EML5: variants seen among roughly 807,000 people sequenced by gnomAD.
EML5 encodes echinoderm microtubule-associated protein-like 5.
In EML5, 120 loss-of-function variants were observed where a neutral mutation model predicts 250.0. The ratio of observed to expected loss-of-function variants is 0.48; its 90% CI spans 0.41 to 0.56. The LOEUF (loss-of-function observed/expected upper bound fraction) is 0.56, where lower values mean the gene tolerates loss of function less well. EML5 is among the 20% of genes least tolerant of loss of function. EML5 has a pLI of 0.00. For missense variants in EML5, 2,006 were observed against 2,437.6 expected (o/e 0.82, Z 3.73); for synonymous variants, 771 against 806.5 (o/e 0.96, Z 0.75).
chr14:88,745,167 T>TTGTTTGTGTGTGTGTGTGTG (rs148282706), intron 3 of EML5, among the ~76,000 whole-genome samples: 26 of 145,282 alleles, frequency 1.8e-4, no homozygotes, highest in Non-Finnish European at 2.3e-4. Flanking sequence ...AATTGTGTGT[T>TTGTTTGTGTGTGTGTGTGTG]TGTGTGTGTG....
chr14:88,735,256 G>A (rs1282163664), intron 7 of EML5, among the ~76,000 whole-genome samples: 2 of 152,064 alleles, frequency 1.3e-5, no homozygotes, highest in East Asian at 3.8e-4. Context: ...CACATTCTTA[G>A]GTAATGCTGA....
Position 88,641,216 on chromosome 14 carries a change from T to C in EML5, c.4237+1677A>G, listed in dbSNP as rs149120955. ...GCTGGTGCCAATCCTACTGAAACTA[T>C]TCTAAAAAATAGAGGAGTGGGCACT... On this transcript the variant is annotated intron_variant, in intron 31 of 43. Transcript: ENST00000554922. 2.9e-3 allele frequency among the ~76,000 whole-genome samples: 446 copies of C among 152,186 alleles called. 3 individuals carry two copies. Among genetic ancestry groups the C allele is most frequent in the African/African-American group, 0.01 (432 of 41,532 alleles).
chr14:88,653,699 A>G (rs2091743675), intron 27 of EML5, among the ~76,000 whole-genome samples: 1 of 152,206 alleles, frequency 6.6e-6, no homozygotes, highest in Non-Finnish European at 1.5e-5. Flanking sequence ...TTAGTTTGCC[A>G]GTATTTTACT....
Position 88,788,829 on chromosome 14 carries a change from G to A in EML5, c.197+3478C>T, listed in dbSNP as rs146305209. Among the ~76,000 whole-genome samples the A allele has an allele frequency of 1.1e-4, 17 of 151,900 alleles. No individual in the cohort carries two copies. In the East Asian group the frequency reaches 2.5e-3, roughly 22 times the overall value. ...TCCCAACACTTTGGGAGGCGGAAGT[G>A]GGAGGATCACTTGAGCCCAGGAGTC... is the stretch of plus-strand genomic sequence containing the variant. On this transcript the variant is annotated intron_variant, in intron 1 of 43. Transcript: ENST00000554922.
intron 1 of EML5, among the ~76,000 whole-genome samples, chr14:88,762,781 T>C (rs1237212146): frequency 6.6e-6 from 1 of 152,080 alleles, no homozygotes; most frequent in Non-Finnish European, 1.5e-5. Context: ...CCTCAGCAAA[T>C]GTAAAAGAAT....
intron 36 of EML5, chr14:88,623,479 G>A (rs1354306791): frequency 6.6e-6 from 1 of 152,102 alleles, no homozygotes. Context: ...GGAGTGCAGT[G>A]GTGTGATCTC....
intron 9 of EML5, among the ~76,000 whole-genome samples, chr14:88,712,863 A>C (rs1046778317): frequency 6.6e-6 from 1 of 152,190 alleles, no homozygotes; most frequent in African/African-American, 2.4e-5. Flanking sequence ...AAAGAAGCCT[A>C]AGATACATAG....
intron 17 of EML5, among the ~76,000 whole-genome samples, chr14:88,693,254 AT>A (rs1220677125): frequency 6.6e-6 from 1 of 152,226 alleles, no homozygotes; most frequent in East Asian, 1.9e-4. Context: ...CACACTGTTC[AT>A]AAAGACATAC....
At chr14:88,780,595 GGAGT>G (rs1463558059) in intron 1 of EML5, among the ~76,000 whole-genome samples, 1 of 151,484 alleles carries the variant, frequency 6.6e-6, no homozygotes, top group Non-Finnish European at 1.5e-5. Flanking sequence ...CTTTTAAGAT[GGAGT>G]CTCACTCACT....
chr14:88,681,212 A>G (rs2092706566), intron 21 of EML5, among the ~76,000 whole-genome samples: 1 of 152,226 alleles, frequency 6.6e-6, no homozygotes, highest in Non-Finnish European at 1.5e-5. Context: ...ACTAGAATAA[A>G]GATCTGAAAA....
At chr14:88,737,113 G>A (rs1242983044) in intron 6 of EML5, among the ~76,000 whole-genome samples, 5 of 152,002 alleles carry the variant, frequency 3.3e-5, no homozygotes, top group Admixed American at 6.6e-5. Flanking sequence ...CTTGGATGTG[G>A]GACAAGAACT....
At chr14:88,665,532 A>G (rs761624619) in intron 21 of EML5, 43 bp from the exon 22 acceptor site, 7 of 1,611,750 alleles carry the variant, frequency 4.3e-6, no homozygotes, top group Admixed American at 1.7e-5. Flanking sequence ...CCTTTTTTCT[A>G]ATTTAAAGTA....
intron 17 of EML5, among the ~76,000 whole-genome samples, chr14:88,691,701 A>C (rs1256003835): frequency 6.6e-6 from 1 of 152,200 alleles, no homozygotes; most frequent in Non-Finnish European, 1.5e-5. Flanking sequence ...CATCTCCTTC[A>C]ACCTAGTTTA....
chr14:88,655,673 A>G (rs968865718), intron 27 of EML5, among the ~76,000 whole-genome samples: 1 of 152,224 alleles, frequency 6.6e-6, no homozygotes, highest in African/African-American at 2.4e-5. Flanking sequence ...AGAAACCATC[A>G]TCAGAGTGAA....
chr14:88,702,904 G>A (rs1031316266), intron 13 of EML5, among the ~76,000 whole-genome samples: 2 of 152,024 alleles, frequency 1.3e-5, no homozygotes, highest in Non-Finnish European at 2.9e-5. Context: ...ACTGCTGTGC[G>A]CCACCATGCC....
chr14:88,692,933 AT>A (rs2092993000), intron 17 of EML5, among the ~76,000 whole-genome samples: 1 of 152,042 alleles, frequency 6.6e-6, no homozygotes, highest in Admixed American at 6.6e-5. Context: ...TTCTTCCTAT[AT>A]TTACATATTT....
intron 17 of EML5, among the ~76,000 whole-genome samples, chr14:88,691,513 T>C (rs956423673): frequency 3.3e-5 from 5 of 152,214 alleles, no homozygotes; most frequent in African/African-American, 1.2e-4. Context: ...TGAGGTCATA[T>C]AATCAGCTCA....
intron 17 of EML5, among the ~76,000 whole-genome samples, chr14:88,688,676 A>T (rs1192869192): frequency 6.6e-6 from 1 of 152,234 alleles, no homozygotes; most frequent in Non-Finnish European, 1.5e-5. Context: ...TTTTTAGATA[A>T]ACAAAGACCT....
intron 1 of EML5, among the ~76,000 whole-genome samples, chr14:88,785,193 T>C (rs1049229457): frequency 6.6e-6 from 1 of 152,018 alleles, no homozygotes; most frequent in Non-Finnish European, 1.5e-5. Flanking sequence ...CTGGAAAGGG[T>C]CGTGGAGGAC....
Sources: allele counts gnomAD v4.1 joint callset (sites outside exome capture counted in the v4.1 genomes callset), GRCh38; gene constraint gnomAD v4.1.1; transcripts MANE v1.5; gene names NCBI Gene and HGNC (gene_info 2026-07-23, HGNC 2026-07-21).